Variants in ARMC6 observed in about 807,000 individuals in gnomAD.
The protein encoded by ARMC6 is armadillo repeat-containing protein 6.
A neutral mutation model predicts 49.2 loss-of-function variants in ARMC6; 43 were observed. The observed-to-expected ratio is 0.87, with a 90% CI of 0.69 to 1.13. The LOEUF (loss-of-function observed/expected upper bound fraction) is 1.13, where lower values mean the gene tolerates loss of function less well. Ranked by LOEUF, ARMC6 falls within the 50% of genes most tolerant of loss-of-function variation. The pLI, the probability that ARMC6 is intolerant of heterozygous loss-of-function variation, is 0.00. For synonymous variants in ARMC6, 262 were observed against 289.6 expected (o/e 0.90, Z 0.97); for missense variants, 627 against 682.0 (o/e 0.92, Z 0.90).
intron 4 of ARMC6, among the ~76,000 whole-genome samples, chr19:19,045,212 T>C (rs1017835973): frequency 7.2e-5 from 11 of 152,104 alleles, no homozygotes; most frequent in African/African-American, 2.7e-4. Flanking sequence ...GAAGTTTCAC[T>C]ATGTTGGCCA....
At position 19,055,949 on chromosome 19, in the gene ARMC6, G is replaced by A. The variant is rs201382714; in HGVS notation, c.1293+21G>A. On this transcript the variant is annotated intron_variant, in intron 8 of 8. Coordinates refer to ENST00000535612, the MANE Select transcript of ARMC6 (RefSeq NM_001199196.2). This position sits in a 1 kb window ranked among gnomAD's most constrained non-coding sequence, Gnocchi z 5.7. ...TGCAGGTGGGCAGGGCAGGGGATGG[G>A]GGCAGGCAGGCTGGTGTGGGATGTG... 22 of 1,599,400 alleles carry A rather than the reference G, an allele frequency of 1.4e-5. No individual in the cohort carries two copies. The highest frequency in any genetic ancestry group is 1.9e-5 in the Non-Finnish European group (22 of 1,176,374).
chr19:19,054,841 A>T (rs1163494893), intron 6 of ARMC6, among the ~76,000 whole-genome samples: 3 of 152,198 alleles, frequency 2.0e-5, no homozygotes, highest in Admixed American at 6.5e-5. Flanking sequence ...ATGGGAACCA[A>T]CTTCAGCAAA....
At position 19,055,245 on chromosome 19, in the gene ARMC6, C is replaced by A; in HGVS notation, c.1024-20C>A. The A allele has an allele frequency of 6.4e-7, 1 of 1,568,238 alleles. No individual in the cohort carries two copies. The highest frequency in any genetic ancestry group is 1.2e-5 in the South Asian group (1 of 83,744). On this transcript the variant is annotated intron_variant, in intron 6 of 8. Coordinates refer to ENST00000535612, the MANE Select transcript of ARMC6 (RefSeq NM_001199196.2). The surrounding 1 kb of genome is among the most constrained non-coding windows in gnomAD (Gnocchi z 5.7). ...AACCAGCGGCCTGGCTGGAGGTGAG[C>A]GGGCCTTTCCCTTGTGCAGGAGCTC...
chr19:19,057,670 G>T lies in ARMC6; in HGVS notation c.*42G>T. 6.3e-7 allele frequency: 1 copy of T among 1,584,664 alleles called. No individual in the cohort carries two copies. Among genetic ancestry groups the T allele is most frequent in the South Asian group, 1.1e-5 (1 of 90,570 alleles). On this transcript the variant is annotated 3_prime_UTR_variant, in exon 9 of 9. Coordinates refer to ENST00000535612, the MANE Select transcript of ARMC6 (RefSeq NM_001199196.2). ...GGCCGTGACTCTGGGTGAGTCGTGT[G>T]ACTCAGGAATGGGGGTAGATCCATG...
chr19:19,055,427 A>G lies in ARMC6; in HGVS notation c.1155+31A>G, dbSNP rs887905742. ...CACCTCGGGGGGCACACACAGTAGC[A>G]GGGTGGTGGCTGGAGTCCCAGTTCA... On this transcript the variant is annotated intron_variant, in intron 7 of 8. Coordinates refer to ENST00000535612, the MANE Select transcript of ARMC6 (RefSeq NM_001199196.2). The surrounding 1 kb of genome is among the most constrained non-coding windows in gnomAD (Gnocchi z 5.7). The G allele has an allele frequency of 3.8e-6, 6 of 1,564,280 alleles. No individual in the cohort carries two copies. The highest frequency in any genetic ancestry group is 5.2e-6 in the Non-Finnish European group (6 of 1,155,430).
Position 19,057,771 on chromosome 19 carries a change from G to A in ARMC6, c.*143G>A, listed in dbSNP as rs549384478. 382 of 899,298 alleles carry A rather than the reference G, an allele frequency of 4.2e-4. 4 individuals are homozygous for A. In the South Asian group the frequency reaches 4.7e-3, roughly 11 times the overall value. The allele number at this position is 899,298 out of a possible 1,614,324, so 55.7% of individuals were successfully genotyped here. ...TCTGGCAGGCCCTAGGTAAAGGGTCGGGGGAGGGGGGAGCCTTGTAGGGAG... is the reference window on the plus strand; with the variant it reads ...TCTGGCAGGCCCTAGGTAAAGGGTCAGGGGAGGGGGGAGCCTTGTAGGGAG... On this transcript the variant is annotated 3_prime_UTR_variant, in exon 9 of 9. Transcript: ENST00000535612.
At chr19:19,045,503 T>TTTTTTTTTTTTTTTTTTTTTTA (rs1179872355) in intron 4 of ARMC6, among the ~76,000 whole-genome samples, 1 of 141,118 alleles carries the variant, frequency 7.1e-6, no homozygotes, top group Non-Finnish European at 1.5e-5. Context: ...CTTTTTTTTT[T>TTTTTTTTTTTTTTTTTTTTTTA]TGAGACAAGA....
At chr19:19,054,826 G>A (rs1473587824) in intron 6 of ARMC6, among the ~76,000 whole-genome samples, 1 of 152,184 alleles carries the variant, frequency 6.6e-6, no homozygotes, top group Non-Finnish European at 1.5e-5. Flanking sequence ...GTGGCCAGGA[G>A]CTGAATGGGA....
chr19:19,057,341 G>A, intron 8 of ARMC6, 75 bp from the exon 9 acceptor site: 1 of 1,286,406 alleles, frequency 7.8e-7, no homozygotes, highest in South Asian at 1.3e-5. Context: ...ATCTTGTTAT[G>A]ATGAAGACCC....
At position 19,038,600 on chromosome 19, in the gene ARMC6, G is replaced by T. The variant is rs141123078; in HGVS notation, c.30-4111G>T. ...TGTTTATTTATTTATTTTTTGAGAC[G>T]AAGTCTTGCTCTTGTTGCCCAGGCT... On this transcript the variant is annotated intron_variant, in intron 2 of 8. Transcript: ENST00000535612. 1.5e-4 allele frequency among the ~76,000 whole-genome samples: 23 copies of T among 152,150 alleles called. No homozygotes were observed. The East Asian group carries it at 4.4e-3, about 29-fold the overall frequency.
chr19:19,036,837 T>C (rs554365209), intron 2 of ARMC6, among the ~76,000 whole-genome samples: 1 of 152,364 alleles, frequency 6.6e-6, no homozygotes, highest in Admixed American at 6.5e-5. Context: ...TTTTCACTAC[T>C]GCCCTATGAA....
At chr19:19,037,748 C>T (rs1032615098) in intron 2 of ARMC6, 4 of 1,074,166 alleles carry the variant, frequency 3.7e-6, no homozygotes, top group South Asian at 3.4e-5. Context: ...AAGTTGTTAA[C>T]CTCTGTTAGG....
chr19:19,047,002 A>G (rs142061932), intron 4 of ARMC6, among the ~76,000 whole-genome samples: 29 of 127,918 alleles, frequency 2.3e-4, no homozygotes, highest in African/African-American at 8.6e-4. Flanking sequence ...CACCCATGCT[A>G]GAGTGCAATG....
intron 5 of ARMC6, among the ~76,000 whole-genome samples, chr19:19,052,692 CT>C (rs1325324635): frequency 6.6e-6 from 1 of 152,332 alleles, no homozygotes; most frequent in East Asian, 1.9e-4. Flanking sequence ...AAGCTTCTGT[CT>C]TAACCCCTAC....
At chr19:19,038,077 T>G (rs2059384362) in intron 2 of ARMC6, among the ~76,000 whole-genome samples, 1 of 152,220 alleles carries the variant, frequency 6.6e-6, no homozygotes, top group African/African-American at 2.4e-5. Flanking sequence ...TACTGTGAAC[T>G]GCACATGCAA....
chr19:19,054,394 C>A, intron 6 of ARMC6, 73 bp downstream of exon 6: 1 of 1,361,752 alleles, frequency 7.3e-7, no homozygotes, highest in South Asian at 1.8e-5. Context: ...ATAGTCAGAA[C>A]AAGCCAGCCC....
chr19:19,045,060 G>C (rs1467430269), intron 4 of ARMC6, among the ~76,000 whole-genome samples: 1 of 151,630 alleles, frequency 6.6e-6, no homozygotes, highest in Non-Finnish European at 1.5e-5. Flanking sequence ...GCCCAGGCTG[G>C]TGTGCACTGG....
At position 19,057,801 on chromosome 19, in the gene ARMC6, C is replaced by G. The variant is rs766573858; in HGVS notation, c.*173C>G. ...AGGGGGGAGCCTTGTAGGGAGGCCT[C>G]TACACAGAAGAAAGCAGCCCCCATG... is the stretch of plus-strand genomic sequence containing the variant. On this transcript the variant is annotated 3_prime_UTR_variant, in exon 9 of 9. Transcript: ENST00000535612. 3.7e-6 allele frequency: 3 copies of G among 805,632 alleles called. No homozygotes were observed. Among genetic ancestry groups the G allele is most frequent in the Non-Finnish European group, 6.5e-6 (3 of 459,504 alleles). The allele number at this position is 805,632 out of a possible 1,614,324, so 49.9% of individuals were successfully genotyped here.
At chr19:19,045,979 T>A (rs765139604) in intron 4 of ARMC6, among the ~76,000 whole-genome samples, 2 of 151,996 alleles carry the variant, frequency 1.3e-5, no homozygotes, top group Non-Finnish European at 2.9e-5. Flanking sequence ...AAATATGTTC[T>A]CTTAATCTGT....
Sources: gnomAD v4.1 joint callset for allele counts (sites outside exome capture counted in the v4.1 genomes callset) on GRCh38, gnomAD v4.1.1 for gene constraint, Gnocchi (gnomAD v3.1) non-coding constraint, MANE v1.5 for transcripts, NCBI Gene and HGNC (gene_info 2026-07-23, HGNC 2026-07-21) for gene names.